Variants in PCSK5 observed in about 807,000 individuals in gnomAD.
The protein encoded by PCSK5 is proprotein convertase subtilisin/kexin type 5.
Under a neutral mutation model 233.2 loss-of-function variants are expected in PCSK5, and 129 were observed. That is an observed-to-expected ratio of 0.55 (90% CI 0.48 to 0.64). The LOEUF (loss-of-function observed/expected upper bound fraction) is 0.64. PCSK5 is among the 30% of genes least tolerant of loss of function. PCSK5 has a pLI of 0.00. For synonymous variants in PCSK5, 825 were observed against 879.2 expected (o/e 0.94, Z 1.09); for missense variants, 2,076 against 2,430.1 (o/e 0.85, Z 3.06).
intron 2 of PCSK5, among the ~76,000 whole-genome samples, chr9:75,940,451 G>A (rs960942960): frequency 1.3e-5 from 2 of 152,212 alleles, no homozygotes; most frequent in Admixed American, 6.5e-5. Context: ...CAAGCATTGT[G>A]CAATGAGGAA....
chr9:76,357,021 G>T (rs1830318787), intron 37 of PCSK5, among the ~76,000 whole-genome samples: 1 of 152,102 alleles, frequency 6.6e-6, no homozygotes, highest in South Asian at 2.1e-4. Context: ...CTCCCATGTG[G>T]TGGGTTAAAG....
At position 76,191,090 on chromosome 9, in the gene PCSK5, G is replaced by A. The variant is rs1258867955; in HGVS notation, c.2626+1344G>A. On this transcript the variant is annotated intron_variant, in intron 20 of 37. Coordinates refer to ENST00000674117, the MANE Select transcript of PCSK5 (RefSeq NM_001372043.1). ...CTCTTGAAATAACTTACGCTGAAGC[G>A]ACCTAAAATTTACTCCTAAATTTAT... Among the ~76,000 whole-genome samples the A allele has an allele frequency of 1.7e-4, 3 of 18,018 alleles. No homozygotes were observed. The South Asian group carries it at 5.8e-3, about 35-fold the overall frequency. The allele number at this position is 18,018 out of a possible 152,430, so 11.8% of individuals were successfully genotyped here. A position where few individuals can be genotyped will look rare whatever the true frequency, so the allele number is the denominator to read the frequency against.
chr9:76,285,080 G>C (rs992540763), intron 24 of PCSK5, among the ~76,000 whole-genome samples: 3 of 152,152 alleles, frequency 2.0e-5, no homozygotes, highest in Non-Finnish European at 2.9e-5. Context: ...TTAGATTTCT[G>C]TTGTTGATTG....
intron 20 of PCSK5, among the ~76,000 whole-genome samples, chr9:76,211,055 A>T (rs1231166622): frequency 2.0e-5 from 3 of 152,192 alleles, no homozygotes; most frequent in Non-Finnish European, 4.4e-5. Flanking sequence ...GATACCTGTA[A>T]AGTATCCAGG....
intron 3 of PCSK5, among the ~76,000 whole-genome samples, chr9:76,018,892 TTCTC>T (rs1163611657): frequency 6.6e-6 from 1 of 152,214 alleles, no homozygotes; most frequent in Non-Finnish European, 1.5e-5. Flanking sequence ...ACTGGAACCT[TTCTC>T]CAACATCCGC....
rs554882377 is a variant in PCSK5, at chr9:76,057,672, C to T, written c.633-10283C>T. Among the ~76,000 whole-genome samples the T allele has an allele frequency of 2.8e-4, 42 of 152,226 alleles. No homozygotes were observed. In the South Asian group the frequency reaches 6.4e-3, roughly 23 times the overall value. ...TATATTATTCACTCAGGAACAGTCA[C>T]TACGTATTAATGATGCATGTAATCT... On this transcript the variant is annotated intron_variant, in intron 5 of 37. Coordinates refer to ENST00000674117, the MANE Select transcript of PCSK5 (RefSeq NM_001372043.1).
At chr9:76,022,003 C>T (rs945502710) in intron 3 of PCSK5, among the ~76,000 whole-genome samples, 3 of 152,302 alleles carry the variant, frequency 2.0e-5, no homozygotes, top group Middle Eastern at 6.8e-3. Context: ...TTTGCTGTGT[C>T]CTCTACCAGG....
At position 76,354,140 on chromosome 9, in the gene PCSK5, C is replaced by T. The variant is rs542705480; in HGVS notation, c.5175C>T (p.Asp1725=). 5.3e-5 allele frequency: 85 copies of T among 1,597,674 alleles called. 1 individual carries two copies. Among genetic ancestry groups the T allele is most frequent in the Middle Eastern group, 1.7e-4 (1 of 6,046 alleles). ...LCPANLVLHM[D]DSHCLHCCNT... is the part of the protein sequence containing the mutation. ...CTGCCAACCTGGTGCTGCACATGGA[C>T]GACAGCCACTGCCTCCACTGCTGCA... The change falls in exon 37 of 38, where the codon GAC becomes GAT. Residue 1725 remains aspartate, a synonymous_variant. Transcript: ENST00000674117.
At chr9:75,909,960 G>A (rs1020270736) in intron 1 of PCSK5, among the ~76,000 whole-genome samples, 6 of 152,182 alleles carry the variant, frequency 3.9e-5, no homozygotes, top group African/African-American at 1.4e-4. Context: ...GTGGTGAGCT[G>A]CATCTGCCCT....
Position 76,112,484 on chromosome 9 carries a change from T to C in PCSK5, c.1208+5133T>C, listed in dbSNP as rs183899238. Among the ~76,000 whole-genome samples the C allele has an allele frequency of 2.4e-3, 360 of 152,284 alleles. 2 individuals carry two copies. Among genetic ancestry groups the C allele is most frequent in the African/African-American group, 8.4e-3 (348 of 41,572 alleles). On this transcript the variant is annotated intron_variant, in intron 9 of 37. Coordinates refer to ENST00000674117, the MANE Select transcript of PCSK5 (RefSeq NM_001372043.1). Reference sequence around the variant, plus strand: ...TATTGAACATTAGCTGCCTCTGGTATCTTATATATACACAGACATATACAC... The same window carrying C: ...TATTGAACATTAGCTGCCTCTGGTACCTTATATATACACAGACATATACAC...
chr9:76,158,596 G>T (rs1197327363), intron 11 of PCSK5, among the ~76,000 whole-genome samples: 1 of 152,206 alleles, frequency 6.6e-6, no homozygotes, highest in Admixed American at 6.5e-5. Context: ...GGTTCTCACA[G>T]TGTATTCCAT....
At chr9:75,949,120 AAT>A (rs1412938644) in intron 2 of PCSK5, among the ~76,000 whole-genome samples, 1 of 150,720 alleles carries the variant, frequency 6.6e-6, no homozygotes, top group African/African-American at 2.4e-5. Context: ...ACAAATTTTT[AAT>A]ATGAGTATGT....
chr9:76,030,901 C>T (rs1333880318), intron 5 of PCSK5, among the ~76,000 whole-genome samples: 1 of 152,100 alleles, frequency 6.6e-6, no homozygotes, highest in Non-Finnish European at 1.5e-5. Flanking sequence ...AAGCACTGGC[C>T]ATGGTTCATT....
chr9:76,091,324 A>G (rs1831278287), intron 7 of PCSK5, among the ~76,000 whole-genome samples: 1 of 151,966 alleles, frequency 6.6e-6, no homozygotes, highest in South Asian at 2.1e-4. Context: ...AGAGAGAGAG[A>G]GAGAGAGAAA....
intron 9 of PCSK5, among the ~76,000 whole-genome samples, chr9:76,111,177 G>T (rs1237099471): frequency 6.6e-6 from 1 of 152,074 alleles, no homozygotes; most frequent in Non-Finnish European, 1.5e-5. Context: ...ACGACTCCCA[G>T]GCCATCCTTT....
intron 1 of PCSK5, among the ~76,000 whole-genome samples, chr9:75,895,168 G>C (rs562192380): frequency 1.3e-5 from 2 of 152,294 alleles, no homozygotes; most frequent in South Asian, 4.1e-4. Flanking sequence ...CCCATTGACA[G>C]CATGTGGACT....
intron 20 of PCSK5, among the ~76,000 whole-genome samples, chr9:76,210,521 C>T (rs1426858282): frequency 6.6e-6 from 1 of 152,036 alleles, no homozygotes; most frequent in East Asian, 1.9e-4. Flanking sequence ...TGCAGGGCAC[C>T]AAAAGAGTCT....
Position 76,188,708 on chromosome 9 carries a change from G to GGTTCTGGTTTTGCTTTTC in PCSK5, c.2380+34_2380+51dup, listed in dbSNP as rs764967257. ...CCCTAGTTCTTTTGTTTATTCTCCCGGTTCTGGTTTTGCTTTTCTTTCTGG... is the reference window on the plus strand; with the variant it reads ...CCCTAGTTCTTTTGTTTATTCTCCCGGTTCTGGTTTTGCTTTTCGTTCTGGTTTTGCTTTTCTTTCTGG... On this transcript the variant is annotated intron_variant, in intron 18 of 37. Coordinates refer to ENST00000674117, the MANE Select transcript of PCSK5 (RefSeq NM_001372043.1). 53 of 1,530,768 alleles carry GGTTCTGGTTTTGCTTTTC rather than the reference G, an allele frequency of 3.5e-5. No homozygotes were observed. The African/African-American group carries it at 6.3e-4, about 18-fold the overall frequency. The allele number at this position is 1,530,768 out of a possible 1,614,324, so 94.8% of individuals were successfully genotyped here. A position where few individuals can be genotyped will look rare whatever the true frequency, so the allele number is the denominator to read the frequency against.
At chr9:76,082,015 G>A (rs1340044076) in intron 7 of PCSK5, among the ~76,000 whole-genome samples, 1 of 152,000 alleles carries the variant, frequency 6.6e-6, no homozygotes, top group African/African-American at 2.4e-5. Flanking sequence ...ATTTTCATAG[G>A]CAAATCTTGT....
Sources: gnomAD v4.1 joint callset for allele counts (sites outside exome capture counted in the v4.1 genomes callset) on GRCh38, gnomAD v4.1.1 for gene constraint, MANE v1.5 for transcripts, NCBI Gene and HGNC (gene_info 2026-07-23, HGNC 2026-07-21) for gene names.